NMNAT3: variants seen among roughly 807,000 people sequenced by gnomAD.
The protein encoded by NMNAT3 is nicotinamide nucleotide adenylyltransferase 3.
In NMNAT3, 21 loss-of-function variants were observed where a neutral mutation model predicts 24.8. The observed-to-expected ratio is 0.85, with a 90% confidence interval of 0.60 to 1.22. The LOEUF is 1.22. Among genes scored for constraint, NMNAT3 ranks in the 50% most tolerant of loss-of-function variants. The pLI, the probability that NMNAT3 is intolerant of heterozygous loss-of-function variation, is 0.00. For synonymous variants in NMNAT3, 136 were observed against 155.2 expected, an observed-to-expected ratio of 0.88 and a Z score of 0.92; for missense variants, 387 against 436.6, an observed-to-expected ratio of 0.89 and a Z score of 1.01.
chr3:139,625,289 C>T (rs2056002710), intron 3 of NMNAT3, among the ~76,000 whole-genome samples: 1 of 152,130 alleles, frequency 6.6e-6, no homozygotes, highest in Non-Finnish European at 1.5e-5. Context: ...ATCTGGCAGT[C>T]TGCCTCTTTG....
At chr3:139,615,417 TTCTATCTATCTATCTATCTA>T (rs145198692) in intron 3 of NMNAT3, among the ~76,000 whole-genome samples, 1 of 140,128 alleles carries the variant, frequency 7.1e-6, no homozygotes, top group African/African-American at 2.7e-5. Context: ...CACACACATT[TTCTATCTATCTATCTATCTA>T]TCTATCTATC....
At chr3:139,652,302 G>A (rs1374743527) in intron 1 of NMNAT3, among the ~76,000 whole-genome samples, 2 of 152,208 alleles carry the variant, frequency 1.3e-5, no homozygotes, top group African/African-American at 2.4e-5. Flanking sequence ...AAATGGCTCC[G>A]GGTGAACAAT....
At chr3:139,653,615 T>C (rs1448925027) in intron 1 of NMNAT3, among the ~76,000 whole-genome samples, 1 of 152,238 alleles carries the variant, frequency 6.6e-6, no homozygotes, top group East Asian at 1.9e-4. Flanking sequence ...CCGAGAGGGC[T>C]CAGTTTGTTG....
At chr3:139,580,311 C>T (rs1006009742) in intron 4 of NMNAT3, among the ~76,000 whole-genome samples, 1 of 152,182 alleles carries the variant, frequency 6.6e-6, no homozygotes, top group African/African-American at 2.4e-5. Flanking sequence ...TTAGTAGAGA[C>T]AGGGTTTTGC....
At chr3:139,665,108 G>T (rs955338842) in intron 1 of NMNAT3, among the ~76,000 whole-genome samples, 8 of 152,136 alleles carry the variant, frequency 5.3e-5, no homozygotes, top group African/African-American at 1.9e-4. Flanking sequence ...AGCTGTCAGG[G>T]AGTAGTTCTG....
intron 3 of NMNAT3, among the ~76,000 whole-genome samples, chr3:139,617,671 C>T (rs895303930): frequency 5.8e-4 from 88 of 152,254 alleles, no homozygotes; most frequent in African/African-American, 1.5e-3. Context: ...AATAAACACA[C>T]GTGGATTATT....
In NMNAT3 at chr3:139,561,174, C is replaced by G; in HGVS notation, c.877G>C (p.Glu293Gln). The change falls in exon 7 of 7, where the codon GAG becomes CAG. Residue 293 changes from glutamate (E) to glutamine (Q), a missense_variant. Coordinates refer to ENST00000643695, the MANE Select transcript of NMNAT3 (RefSeq NM_001320510.2). ...CGCCTGATGTATGTGGCACTGATCT[C>G]ATTCTGCACAGGCTCCTTGGCCAGG... The G allele has an allele frequency of 1.2e-6, 2 of 1,614,178 alleles. No individual in the cohort carries two copies. Among genetic ancestry groups the G allele is most frequent in the South Asian group, 2.2e-5 (2 of 91,086 alleles).
intron 1 of NMNAT3, among the ~76,000 whole-genome samples, chr3:139,672,246 C>G (rs1248746649): frequency 6.6e-6 from 1 of 152,158 alleles, no homozygotes; most frequent in Non-Finnish European, 1.5e-5. Context: ...CGGGCTCTGT[C>G]CTGCCTTGAC....
chr3:139,593,295 G>T (rs769290176), intron 3 of NMNAT3, among the ~76,000 whole-genome samples: 1 of 152,136 alleles, frequency 6.6e-6, no homozygotes, highest in Non-Finnish European at 1.5e-5. Context: ...CCCAATACAG[G>T]AGCACCCAGA....
chr3:139,608,221 G>A (rs1339780903), intron 3 of NMNAT3, among the ~76,000 whole-genome samples: 1 of 152,176 alleles, frequency 6.6e-6, no homozygotes, highest in African/African-American at 2.4e-5. Context: ...TTGGCTGGCT[G>A]GTATAGCAGC....
At position 139,560,432 on chromosome 3, in the gene NMNAT3, G is replaced by C. The variant is rs918921477; in HGVS notation, c.*578C>G. The C allele has an allele frequency of 2.0e-5, 3 of 152,628 alleles. No homozygotes were observed. Among genetic ancestry groups the C allele is most frequent in the Non-Finnish European group, 4.4e-5 (3 of 68,054 alleles). The allele number at this position is 152,628 out of a possible 1,614,324, so 9.5% of individuals were successfully genotyped here. On this transcript the variant is annotated 3_prime_UTR_variant, in exon 7 of 7. Transcript: ENST00000643695. The stretch of plus-strand genomic sequence containing the variant: ...GAGTTTTGTTTAAATTTTATGAAAA[G>C]CTGGTTAGGCAGGCAGACAATGGTT...
At chr3:139,581,337 A>T (rs530163047) in intron 4 of NMNAT3, among the ~76,000 whole-genome samples, 1 of 151,958 alleles carries the variant, frequency 6.6e-6, no homozygotes, top group Non-Finnish European at 1.5e-5. Context: ...TAGGAGTGAT[A>T]ATGGTACTGT....
intron 1 of NMNAT3, among the ~76,000 whole-genome samples, chr3:139,658,797 G>T (rs1199418867): frequency 6.6e-6 from 1 of 152,018 alleles, no homozygotes; most frequent in African/African-American, 2.4e-5. Context: ...AACTTACAAT[G>T]AAATGCACAA....
At chr3:139,593,935 A>T (rs2108184351) in intron 3 of NMNAT3, among the ~76,000 whole-genome samples, 1 of 148,672 alleles carries the variant, frequency 6.7e-6, no homozygotes, top group East Asian at 2.0e-4. Context: ...TTCAAAAGCT[A>T]GCAGAAGGCA....
In NMNAT3 at chr3:139,608,619, G is replaced by A. The variant is rs141151576; in HGVS notation, c.109+18997C>T. Reference sequence around the variant, plus strand: ...TGTAGAAATAATACAGAATTATCCCGTGTACCCCTTACCTAGTTACCCCCA... The same window carrying A: ...TGTAGAAATAATACAGAATTATCCCATGTACCCCTTACCTAGTTACCCCCA... On this transcript the variant is annotated intron_variant, in intron 3 of 6. Transcript: ENST00000643695. Among the ~76,000 whole-genome samples, 41 of 152,112 alleles carry A rather than the reference G, an allele frequency of 2.7e-4. 1 individual carries two copies. Among genetic ancestry groups the A allele is most frequent in the Admixed American group, 1.3e-4 (2 of 15,272 alleles).
intron 2 of NMNAT3, among the ~76,000 whole-genome samples, chr3:139,628,002 T>G (rs2056131731): frequency 6.6e-6 from 1 of 152,180 alleles, no homozygotes; most frequent in Non-Finnish European, 1.5e-5. Context: ...CTCATACAGC[T>G]CAGGGACCTT....
intron 3 of NMNAT3, among the ~76,000 whole-genome samples, chr3:139,626,582 A>AT (rs2056061082): frequency 6.6e-6 from 1 of 151,764 alleles, no homozygotes; most frequent in South Asian, 2.1e-4. Flanking sequence ...CCATTGGTTC[A>AT]TTTTTCTCTT....
At chr3:139,588,820 A>T (rs187753081) in intron 3 of NMNAT3, among the ~76,000 whole-genome samples, 2 of 152,336 alleles carry the variant, frequency 1.3e-5, no homozygotes, top group East Asian at 1.9e-4. Context: ...AGGGAGGGGA[A>T]GTAACATCTT....
intron 1 of NMNAT3, among the ~76,000 whole-genome samples, chr3:139,656,632 G>A (rs1335482342): frequency 6.6e-6 from 1 of 152,078 alleles, no homozygotes; most frequent in Non-Finnish European, 1.5e-5. Context: ...CTACAAAACT[G>A]TTTTTTAAAA....
Sources: allele counts gnomAD v4.1 joint callset (sites outside exome capture counted in the v4.1 genomes callset), GRCh38; gene constraint gnomAD v4.1.1; transcripts MANE v1.5; gene names NCBI Gene and HGNC (gene_info 2026-07-23, HGNC 2026-07-21).